HECW1: variants seen among roughly 807,000 people sequenced by gnomAD.
The protein encoded by HECW1 is E3 ubiquitin-protein ligase HECW1.
Under a neutral mutation model 182.3 loss-of-function variants are expected in HECW1, and 61 were observed. That is an observed-to-expected ratio of 0.33 (90% CI 0.27 to 0.41). The LOEUF is 0.41. Among genes scored for constraint, HECW1 ranks in the 10% least tolerant of loss-of-function variants. HECW1 has a pLI of 1.00. For synonymous variants in HECW1, 859 were observed against 832.6 expected (o/e 1.03, Z -0.55); for missense variants, 1,739 against 2,108.9 (o/e 0.82, Z 3.44).
rs188620541 is a variant in HECW1 at position 43,215,596 on chromosome 7, T to G, written c.-31-28279T>G. On this transcript the variant is annotated intron_variant, in intron 2 of 29. Transcript: ENST00000395891. The stretch of plus-strand genomic sequence containing the variant: ...TTATTAATACAATATCTATCCTAGT[T>G]GCTTTGCAGTCAGAAAATGTTATCA... Among the ~76,000 whole-genome samples, 519 of 152,338 alleles carry G rather than the reference T, an allele frequency of 3.4e-3. 5 individuals carry two copies. Among genetic ancestry groups the G allele is most frequent in the African/African-American group, 0.012 (488 of 41,580 alleles).
At chr7:43,272,851 C>CA (rs1460106948) in intron 3 of HECW1, among the ~76,000 whole-genome samples, 27 of 152,216 alleles carry the variant, frequency 1.8e-4, no homozygotes, top group Admixed American at 5.9e-4. Flanking sequence ...ACCGTTACAC[C>CA]AAAAAGACAC....
Position 43,287,318 on chromosome 7 carries a change from G to A in HECW1, c.28-24445G>A, listed in dbSNP as rs977682102. ...AGAGCCAGAGGCCCAGAGATGTCTG[G>A]GGGTGCACATTCCTGGCAGTGGGAG... On this transcript the variant is annotated intron_variant, in intron 3 of 29. Transcript: ENST00000395891. 2.0e-5 allele frequency among the ~76,000 whole-genome samples: 3 copies of A among 152,064 alleles called. No homozygotes were observed. The East Asian group carries it at 5.8e-4, about 29-fold the overall frequency.
intron 6 of HECW1, among the ~76,000 whole-genome samples, chr7:43,384,978 T>G (rs2074709936): frequency 6.6e-6 from 1 of 152,124 alleles, no homozygotes; most frequent in African/African-American, 2.4e-5. Flanking sequence ...TGAAAAGAGC[T>G]AACTCTTGTC....
chr7:43,195,288 T>G (rs931273083), intron 2 of HECW1, among the ~76,000 whole-genome samples: 14 of 152,356 alleles, frequency 9.2e-5, no homozygotes, highest in African/African-American at 3.1e-4. Flanking sequence ...AGCTGTGCAC[T>G]GCACTGTGTG....
intron 26 of HECW1, among the ~76,000 whole-genome samples, chr7:43,547,998 A>G (rs945987400): frequency 6.6e-6 from 1 of 152,276 alleles, no homozygotes; most frequent in African/African-American, 2.4e-5. Context: ...GGAGGTGACT[A>G]CAAAATTATT....
At chr7:43,208,136 T>C (rs1795658131) in intron 2 of HECW1, among the ~76,000 whole-genome samples, 1 of 152,232 alleles carries the variant, frequency 6.6e-6, no homozygotes. Context: ...TTCTCTTCCC[T>C]ATTATTGAAA....
At chr7:43,438,749 G>A (rs985319917) in intron 9 of HECW1, 1 of 152,190 alleles carries the variant, frequency 6.6e-6, no homozygotes, top group Non-Finnish European at 1.5e-5. Flanking sequence ...TCATTAAAGT[G>A]GACTATGACC....
intron 19 of HECW1, among the ~76,000 whole-genome samples, chr7:43,500,142 C>T (rs966555177): frequency 6.6e-6 from 1 of 151,612 alleles, no homozygotes; most frequent in South Asian, 2.1e-4. Context: ...CCTCTGTCGC[C>T]CAGGCTGGAG....
rs767584598 is a variant in HECW1, at chr7:43,219,354, G to A, written c.-31-24521G>A. ...GCTTCAAAAACGAAAACTTTCCAAG[G>A]ACCCCTTTTCCTCTCTGTCTGCCTA... is the stretch of plus-strand genomic sequence containing the variant. On this transcript the variant is annotated intron_variant, in intron 2 of 29. Coordinates refer to ENST00000395891, the MANE Select transcript of HECW1 (RefSeq NM_015052.5). Among the ~76,000 whole-genome samples the A allele has an allele frequency of 2.6e-5, 4 of 152,142 alleles. No individual in the cohort carries two copies. The South Asian group carries it at 8.3e-4, about 32-fold the overall frequency.
At chr7:43,377,659 GT>G in intron 6 of HECW1, 1 of 202,788 alleles carries the variant, frequency 4.9e-6, no homozygotes, top group Non-Finnish European at 1.0e-5. Context: ...CTCTTTGTGA[GT>G]TTTTCCTATG....
chr7:43,517,518 T>C (rs1417206644), intron 24 of HECW1, among the ~76,000 whole-genome samples: 1 of 152,190 alleles, frequency 6.6e-6, no homozygotes, highest in Admixed American at 6.5e-5. Context: ...TGTAGAGTTT[T>C]ATGGAACTTA....
At chr7:43,376,862 G>A (rs1396585050) in intron 6 of HECW1, among the ~76,000 whole-genome samples, 1 of 144,884 alleles carries the variant, frequency 6.9e-6, no homozygotes. Context: ...CAAGGACTCT[G>A]TCTCAAAAAA....
intron 2 of HECW1, among the ~76,000 whole-genome samples, chr7:43,187,409 C>A (rs1365763871): frequency 6.6e-6 from 1 of 152,134 alleles, no homozygotes; most frequent in Non-Finnish European, 1.5e-5. Flanking sequence ...CCACCACATA[C>A]CATAATTTTG....
In HECW1 at chr7:43,372,993, C is replaced by A. The variant is rs529899051; in HGVS notation, c.555+12013C>A. ...GACAAAACCAATCAATACTGAAACC[C>A]ATGATTTAATTAAATCCAGAGATGA... is the stretch of plus-strand genomic sequence containing the variant. On this transcript the variant is annotated intron_variant, in intron 6 of 29. Coordinates refer to ENST00000395891, the MANE Select transcript of HECW1 (RefSeq NM_015052.5). Among the ~76,000 whole-genome samples, 4 of 152,212 alleles carry A rather than the reference C, an allele frequency of 2.6e-5. No individual in the cohort carries two copies. In the South Asian group the frequency reaches 8.3e-4, roughly 32 times the overall value.
intron 8 of HECW1, among the ~76,000 whole-genome samples, chr7:43,427,690 T>C (rs1392324388): frequency 6.6e-6 from 1 of 152,176 alleles, no homozygotes; most frequent in Non-Finnish European, 1.5e-5. Flanking sequence ...TCTCAGACGC[T>C]GAAACCACTT....
At chr7:43,394,046 C>G (rs2075139408) in intron 6 of HECW1, among the ~76,000 whole-genome samples, 3 of 152,050 alleles carry the variant, frequency 2.0e-5, no homozygotes, top group Non-Finnish European at 2.9e-5. Context: ...GAATTAGGAG[C>G]CAGAGGCTTT....
At chr7:43,159,558 C>A (rs1055352961) in intron 2 of HECW1, among the ~76,000 whole-genome samples, 6 of 152,022 alleles carry the variant, frequency 3.9e-5, no homozygotes, top group African/African-American at 1.4e-4. Context: ...TTTAAAGTTT[C>A]TGAGATTGCC....
intron 14 of HECW1, among the ~76,000 whole-genome samples, chr7:43,465,049 G>A (rs555624894): frequency 7.9e-5 from 12 of 152,040 alleles, no homozygotes; most frequent in Middle Eastern, 6.8e-3. Context: ...TGATCCTCCC[G>A]CCTCAGCCTC....
chr7:43,336,138 C>CTCTCTCTCTCTT (rs1812201927), intron 5 of HECW1, among the ~76,000 whole-genome samples: 2 of 77,384 alleles, frequency 2.6e-5, no homozygotes, highest in South Asian at 6.3e-4. Context: ...CTCTCTCTCT[C>CTCTCTCTCTCTT]TCTCTTTCTC....
Sources: allele counts gnomAD v4.1 joint callset (sites outside exome capture counted in the v4.1 genomes callset), GRCh38; gene constraint gnomAD v4.1.1; transcripts MANE v1.5; gene names NCBI Gene and HGNC (gene_info 2026-07-23, HGNC 2026-07-21).